CCDC91: variants seen among roughly 807,000 people sequenced by gnomAD.
CCDC91 encodes coiled-coil domain containing 91.
CCDC91 carries 48 observed loss-of-function variants against 63.2 expected under a neutral mutation model. The observed-to-expected ratio is 0.76, with a 90% CI of 0.60 to 0.97. CCDC91 has a LOEUF of 0.97. Among genes scored for constraint, CCDC91 ranks in the 50% least tolerant of loss-of-function variants. The pLI is 0.00. For synonymous variants in CCDC91, 167 were observed against 165.8 expected, an observed-to-expected ratio of 1.01 and a Z score of -0.06; for missense variants, 500 against 494.6, an observed-to-expected ratio of 1.01 and a Z score of -0.10.
intron 3 of CCDC91, among the ~76,000 whole-genome samples, chr12:28,288,857 C>T (rs555523178): frequency 2.6e-5 from 4 of 151,938 alleles, no homozygotes; most frequent in Non-Finnish European, 4.4e-5. Context: ...ATTCAGTTTG[C>T]GAGCTTGTTA....
At chr12:28,326,413 A>T (rs192162648) in intron 6 of CCDC91, among the ~76,000 whole-genome samples, 12 of 147,086 alleles carry the variant, frequency 8.2e-5, no homozygotes, top group African/African-American at 2.7e-4. Flanking sequence ...ATTTATTATT[A>T]TTATACTTTA....
chr12:28,323,402 C>G (rs1295500597), intron 6 of CCDC91, among the ~76,000 whole-genome samples: 1 of 151,754 alleles, frequency 6.6e-6, no homozygotes, highest in Non-Finnish European at 1.5e-5. Flanking sequence ...CTTGTCCCTT[C>G]TTATTTGGAA....
At chr12:28,492,020 G>A (rs976845942) in intron 12 of CCDC91, among the ~76,000 whole-genome samples, 6 of 151,422 alleles carry the variant, frequency 4.0e-5, no homozygotes, top group African/African-American at 1.5e-4. Context: ...CGTTTATTAA[G>A]GGACCACAAT....
chr12:28,355,827 C>G (rs1392167902), intron 6 of CCDC91, among the ~76,000 whole-genome samples: 3 of 152,070 alleles, frequency 2.0e-5, no homozygotes, highest in Non-Finnish European at 4.4e-5. Flanking sequence ...CCATGAAATT[C>G]ATGCCATGTG....
At chr12:28,323,012 C>A (rs765104611) in intron 6 of CCDC91, among the ~76,000 whole-genome samples, 1 of 150,548 alleles carries the variant, frequency 6.6e-6, no homozygotes, top group Non-Finnish European at 1.5e-5. Context: ...TTAAAAAATT[C>A]TATTTATCTT....
chr12:28,331,127 G>A (rs945174386), intron 6 of CCDC91, among the ~76,000 whole-genome samples: 3 of 152,152 alleles, frequency 2.0e-5, no homozygotes, highest in Non-Finnish European at 2.9e-5. Flanking sequence ...GTATTAAAAA[G>A]ATTAGGAAAT....
chr12:28,400,389 TC>T (rs1200041095), intron 8 of CCDC91, among the ~76,000 whole-genome samples: 3 of 137,496 alleles, frequency 2.2e-5, no homozygotes, highest in Non-Finnish European at 4.7e-5. Flanking sequence ...AAACTATTTT[TC>T]CCCCCTAGGC....
intron 6 of CCDC91, among the ~76,000 whole-genome samples, chr12:28,333,397 A>AC (rs1941669242): frequency 3.7e-5 from 3 of 81,704 alleles, no homozygotes. Context: ...TCCATCTCAG[A>AC]AAAAAAAAAA....
intron 12 of CCDC91, among the ~76,000 whole-genome samples, chr12:28,533,282 T>G (rs139113326): frequency 2.0e-5 from 3 of 152,090 alleles, no homozygotes; most frequent in Non-Finnish European, 4.4e-5. Context: ...TTTTTGAGAT[T>G]CGTAGAATTG....
At chr12:28,440,067 G>A (rs1401588134) in intron 8 of CCDC91, among the ~76,000 whole-genome samples, 1 of 151,606 alleles carries the variant, frequency 6.6e-6, no homozygotes, top group Non-Finnish European at 1.5e-5. Flanking sequence ...ACTATTTTTG[G>A]ATGAGGTCTA....
intron 6 of CCDC91, among the ~76,000 whole-genome samples, chr12:28,322,112 A>C (rs7295132): frequency 0.9 from 136,848 of 151,766 alleles, 63,253 homozygotes; most frequent in East Asian, 1. Context: ...TAGGAAAATA[A>C]TGAATTTACT....
chr12:28,305,575 T>C, intron 3 of CCDC91, 74 bp from the exon 4 acceptor site: 2 of 1,280,562 alleles, frequency 1.6e-6, no homozygotes, highest in Admixed American at 2.4e-5. Flanking sequence ...GCTCTCTTTC[T>C]TCCTTTCAAC....
chr12:28,362,641 C>T (rs1273117642), intron 7 of CCDC91, 126 bp downstream of exon 7: 1 of 522,740 alleles, frequency 1.9e-6, no homozygotes, highest in Non-Finnish European at 3.3e-6. Flanking sequence ...GAATTTCTTT[C>T]CATTCAGCAA....
chr12:28,408,399 G>A (rs1947104318), intron 8 of CCDC91, among the ~76,000 whole-genome samples: 1 of 152,110 alleles, frequency 6.6e-6, no homozygotes. Context: ...GGACATTTGG[G>A]TTTGTTCCAA....
In CCDC91 at chr12:28,467,866, T is replaced by C. The variant is rs185459784; in HGVS notation, c.1101+15212T>C. On this transcript the variant is annotated intron_variant, in intron 11 of 12. Transcript: ENST00000536442. ...ACAGTATGCTCCTCAATGATCAGTGTGTCAATGAAGAAATTTCAGAAGGAA... is the reference window on the plus strand; with the variant it reads ...ACAGTATGCTCCTCAATGATCAGTGCGTCAATGAAGAAATTTCAGAAGGAA... Among the ~76,000 whole-genome samples, 339 of 152,078 alleles carry C rather than the reference T, an allele frequency of 2.2e-3. 6 individuals carry two copies. The highest frequency in any genetic ancestry group is 7.7e-3 in the African/African-American group (318 of 41,550).
At chr12:28,389,220 AC>A (rs1473557211) in intron 7 of CCDC91, among the ~76,000 whole-genome samples, 1 of 152,042 alleles carries the variant, frequency 6.6e-6, no homozygotes, top group Non-Finnish European at 1.5e-5. Context: ...TTTCTCTGAT[AC>A]CCATCCTGCA....
intron 8 of CCDC91, among the ~76,000 whole-genome samples, chr12:28,397,905 G>T (rs1343375763): frequency 6.6e-6 from 1 of 151,960 alleles, no homozygotes; most frequent in Non-Finnish European, 1.5e-5. Flanking sequence ...AAAAATAACC[G>T]ATAGCAACCC....
At chr12:28,318,553 T>G (rs1314625206) in intron 6 of CCDC91, among the ~76,000 whole-genome samples, 1 of 151,836 alleles carries the variant, frequency 6.6e-6, no homozygotes, top group Non-Finnish European at 1.5e-5. Context: ...AAAAAATTTC[T>G]TTTTCAATTA....
In CCDC91 at chr12:28,549,633, G is replaced by T. The variant is rs1943207790; in HGVS notation, c.*460G>T. The T allele has an allele frequency of 6.6e-6, 1 of 152,114 alleles. No individual in the cohort carries two copies. Among genetic ancestry groups the T allele is most frequent in the South Asian group, 2.1e-4 (1 of 4,838 alleles). 9.4% of individuals were successfully genotyped at this position (152,114 alleles called of 1,614,324 possible). A position where few individuals can be genotyped will look rare whatever the true frequency, so the allele number is the denominator to read the frequency against. ...ACATCACTTATTTATCTGTATAATT[G>T]GAAATAAAACACCGATATGATAGAG... is the stretch of plus-strand genomic sequence containing the variant. On this transcript the variant is annotated 3_prime_UTR_variant, in exon 13 of 13. Transcript: ENST00000536442.
Sources: allele counts gnomAD v4.1 joint callset (sites outside exome capture counted in the v4.1 genomes callset), GRCh38; gene constraint gnomAD v4.1.1; transcripts MANE v1.5; gene names NCBI Gene and HGNC (gene_info 2026-07-23, HGNC 2026-07-21).